The following CACNA1E variants were observed in gnomAD, a reference collection of about 807,000 sequenced individuals.
CACNA1E encodes calcium voltage-gated channel subunit alpha1 E, also known as voltage-dependent R-type calcium channel subunit alpha-1E.
In CACNA1E, 40 loss-of-function variants were observed where a neutral mutation model predicts 259.2. That is an observed-to-expected ratio of 0.15 (90% CI 0.12 to 0.20). CACNA1E has a LOEUF of 0.20. Ranked by LOEUF, CACNA1E falls within the 10% of genes least tolerant of loss-of-function variation. The pLI is 1.00. For missense variants in CACNA1E, 1,874 were observed against 3,040.1 expected (o/e 0.62, Z 9.02); for synonymous variants, 1,104 against 1,138.5 (o/e 0.97, Z 0.61).
chr1:181,765,259 A>G (rs1658923789), intron 34 of CACNA1E, among the ~76,000 whole-genome samples: 1 of 152,196 alleles, frequency 6.6e-6, no homozygotes, highest in Non-Finnish European at 1.5e-5. Context: ...ATGACAAGAA[A>G]GGAAAACAGA....
chr1:181,408,364 G>C (rs1046733959), intron 1 of CACNA1E, among the ~76,000 whole-genome samples: 2 of 151,984 alleles, frequency 1.3e-5, no homozygotes, highest in African/African-American at 4.8e-5. Flanking sequence ...AAGCCAAAGG[G>C]GTGCATGGAC....
chr1:181,534,859 T>A (rs1348858027), intron 3 of CACNA1E, among the ~76,000 whole-genome samples: 12 of 152,170 alleles, frequency 7.9e-5, no homozygotes, highest in Admixed American at 7.9e-4. Context: ...TAAACTTATT[T>A]TTTAAAAGTC....
At chr1:181,465,378 A>G (rs1220991231) in intron 2 of CACNA1E, among the ~76,000 whole-genome samples, 1 of 152,148 alleles carries the variant, frequency 6.6e-6, no homozygotes, top group Non-Finnish European at 1.5e-5. Flanking sequence ...ATCTTTCATC[A>G]ATACTAGAAA....
intron 13 of CACNA1E, 54 bp from the exon 14 acceptor site, chr1:181,720,152 G>T (rs932173165): frequency 6.2e-7 from 1 of 1,606,140 alleles, no homozygotes; most frequent in Non-Finnish European, 8.5e-7. Flanking sequence ...GCTGGGCTTG[G>T]TGGGTGACTT....
At chr1:181,468,002 A>G (rs1212782518) in intron 2 of CACNA1E, among the ~76,000 whole-genome samples, 1 of 152,196 alleles carries the variant, frequency 6.6e-6, no homozygotes, top group East Asian at 1.9e-4. Flanking sequence ...AGAAATGCCA[A>G]TAATGCTGAG....
At chr1:181,447,360 TAA>T (rs879611961) in intron 2 of CACNA1E, among the ~76,000 whole-genome samples, 1 of 135,116 alleles carries the variant, frequency 7.4e-6, no homozygotes, top group African/African-American at 2.7e-5. Flanking sequence ...ACCTCATCTC[TAA>T]AAAAAAAAAA....
chr1:181,370,750 T>C (rs1454293214), intron 1 of CACNA1E, among the ~76,000 whole-genome samples: 3 of 151,618 alleles, frequency 2.0e-5, no homozygotes, highest in Non-Finnish European at 4.4e-5. Flanking sequence ...TATGGGTGCA[T>C]TTTTTTTGGT....
chr1:181,738,967 G>A (rs1393082363), intron 24 of CACNA1E, among the ~76,000 whole-genome samples, 180 bp from the exon 25 acceptor site: 1 of 152,186 alleles, frequency 6.6e-6, no homozygotes, highest in Non-Finnish European at 1.5e-5. Context: ...TGAGATGGGG[G>A]CCTCAGGACT....
intron 15 of CACNA1E, among the ~76,000 whole-genome samples, chr1:181,721,112 A>T (rs1654376440): frequency 6.6e-6 from 1 of 152,138 alleles, no homozygotes; most frequent in Non-Finnish European, 1.5e-5. Flanking sequence ...TTTGCAGGAG[A>T]CACTGAGTCT....
chr1:181,771,503 T>C, intron 36 of CACNA1E, 119 bp downstream of exon 36: 1 of 659,696 alleles, frequency 1.5e-6, no homozygotes, highest in East Asian at 2.7e-5. Flanking sequence ...CTCCTGTCAG[T>C]AGAAAGGGGA....
At chr1:181,506,720 G>A (rs534785813) in intron 1 of CACNA1E, among the ~76,000 whole-genome samples, 1 of 152,352 alleles carries the variant, frequency 6.6e-6, no homozygotes, top group Non-Finnish European at 1.5e-5. Flanking sequence ...GCCATTGCAT[G>A]TGGTGGCAGA....
chr1:181,657,373 A>G (rs1182625681), intron 7 of CACNA1E, among the ~76,000 whole-genome samples: 2 of 152,132 alleles, frequency 1.3e-5, no homozygotes, highest in Admixed American at 6.5e-5. Context: ...AAAGATAAAG[A>G]CATTTCAGTT....
intron 38 of CACNA1E, chr1:181,779,436 T>C (rs1415971339): frequency 2.2e-6 from 1 of 445,748 alleles, no homozygotes; most frequent in African/African-American, 2.0e-5. Context: ...CTGTGCTTCC[T>C]TTACAGCGGC....
intron 3 of CACNA1E, among the ~76,000 whole-genome samples, chr1:181,548,679 T>C (rs145372085): frequency 2.4e-4 from 36 of 152,338 alleles, no homozygotes; most frequent in African/African-American, 8.4e-4. Context: ...AGGGCTTTCT[T>C]CCACAGTGTG....
At chr1:181,794,342 A>T (rs1357309830) in intron 45 of CACNA1E, among the ~76,000 whole-genome samples, 1 of 152,240 alleles carries the variant, frequency 6.6e-6, no homozygotes, top group Non-Finnish European at 1.5e-5. Flanking sequence ...GGTGGGATTG[A>T]TGGCAGCAGA....
chr1:181,337,794 T>G (rs1651827041), intron 1 of CACNA1E, among the ~76,000 whole-genome samples: 1 of 152,238 alleles, frequency 6.6e-6, no homozygotes. Context: ...TTGTCTTAAC[T>G]ATTGTGCATA....
chr1:181,651,536 T>C (rs1225372971), intron 7 of CACNA1E, 95 bp downstream of exon 7: 4 of 877,488 alleles, frequency 4.6e-6, no homozygotes, highest in African/African-American at 1.7e-5. Context: ...CATTTAACCT[T>C]CATTTAGAAG....
intron 1 of CACNA1E, among the ~76,000 whole-genome samples, chr1:181,327,030 G>A (rs751156081): frequency 1.3e-5 from 2 of 152,168 alleles, no homozygotes; most frequent in Non-Finnish European, 2.9e-5. Flanking sequence ...GGCATCCCAT[G>A]CTTACCTCTG....
rs936625163 is a variant in CACNA1E, at chr1:181,459,365, C to T, written c.435-24379C>T. ...GCTCTGAGGGAACTTGCCCTTTACA[C>T]ATGTTCAGGTAGGGAGAAGCTATGG... On this transcript the variant is annotated intron_variant, in intron 2 of 11. Transcript: ENST00000524607. Among the ~76,000 whole-genome samples, 6 of 152,256 alleles carry T rather than the reference C, an allele frequency of 3.9e-5. No homozygotes were observed. The South Asian group carries it at 6.2e-4, about 16-fold the overall frequency.
Sources: gnomAD v4.1 joint callset for allele counts (sites outside exome capture counted in the v4.1 genomes callset) on GRCh38, gnomAD v4.1.1 for gene constraint, MANE v1.5 for transcripts, NCBI Gene and HGNC (gene_info 2026-07-23, HGNC 2026-07-21) for gene names.